The following SLC44A5 variants were observed in gnomAD, a reference collection of about 807,000 sequenced individuals.
SLC44A5 encodes choline transporter-like protein 5.
Under a neutral mutation model 101.8 loss-of-function variants are expected in SLC44A5, and 57 were observed. That is an observed-to-expected ratio of 0.56 (90% CI 0.45 to 0.70). The LOEUF (loss-of-function observed/expected upper bound fraction) is 0.70. SLC44A5 is among the 30% of genes least tolerant of loss of function. The probability of loss-of-function intolerance (pLI) is 0.00; values close to 1 mark genes in which losing one functional copy is unlikely to be tolerated. For synonymous variants in SLC44A5, 281 were observed against 290.9 expected, an observed-to-expected ratio of 0.97 and a Z score of 0.35; for missense variants, 737 against 853.1, an observed-to-expected ratio of 0.86 and a Z score of 1.70.
the SLC44A5 span, among the ~76,000 whole-genome samples, chr1:75,628,797 T>G: frequency 1.3e-5 from 2 of 152,150 alleles, no homozygotes. Context: ...ACAAGCACTT[T>G]GTAGGGAAGG....
In SLC44A5 at chr1:75,389,755, T is replaced by C. The variant is rs999972074; in HGVS notation, c.52+6828A>G. On this transcript the variant is annotated intron_variant, in intron 3 of 23. Coordinates refer to ENST00000370859, the MANE Select transcript of SLC44A5 (RefSeq NM_001130058.2). ...AATCTAATATCACACTTAGAGGAAC[T>C]AGAAAAACAAGAACAAACTAATCCC... Among the ~76,000 whole-genome samples the C allele has an allele frequency of 2.0e-5, 3 of 151,982 alleles. No individual in the cohort carries two copies. In the East Asian group the frequency reaches 5.8e-4, roughly 29 times the overall value.
At chr1:75,260,730 A>G (rs1650424741) in intron 6 of SLC44A5, among the ~76,000 whole-genome samples, 1 of 152,176 alleles carries the variant, frequency 6.6e-6, no homozygotes, top group South Asian at 2.1e-4. Flanking sequence ...CATTCTTCTC[A>G]GCACCACATT....
At position 75,360,418 on chromosome 1, in the gene SLC44A5, C is replaced by T. The variant is rs183949400; in HGVS notation, c.53-20788G>A. ...CTCCTGGCTTCAAGTGATCCTCCCA[C>T]CTTGGCCTCTCAAAGTGCTGGGATT... is the stretch of plus-strand genomic sequence containing the variant. On this transcript the variant is annotated intron_variant, in intron 3 of 23. Transcript: ENST00000370859. Among the ~76,000 whole-genome samples, 21 of 152,264 alleles carry T rather than the reference C, an allele frequency of 1.4e-4. No homozygotes were observed. The East Asian group carries it at 3.9e-3, about 28-fold the overall frequency.
chr1:75,557,356 A>G (rs1672274873), intron 1 of SLC44A5, among the ~76,000 whole-genome samples: 1 of 152,138 alleles, frequency 6.6e-6, no homozygotes, highest in African/African-American at 2.4e-5. Context: ...TTATTTTCTT[A>G]TCTAATGCAG....
At chr1:75,215,587 A>T (rs1373729035) in intron 19 of SLC44A5, among the ~76,000 whole-genome samples, 167 bp downstream of exon 19, 1 of 152,128 alleles carries the variant, frequency 6.6e-6, no homozygotes, top group East Asian at 1.9e-4. Flanking sequence ...ATACTATCTC[A>T]ACTAGGGAAG....
At chr1:75,393,221 G>A (rs545735963) in intron 3 of SLC44A5, among the ~76,000 whole-genome samples, 6 of 152,148 alleles carry the variant, frequency 3.9e-5, no homozygotes, top group South Asian at 4.2e-4. Flanking sequence ...TCATTGTCTC[G>A]CATGTCATGC....
chr1:75,686,245 G>T, the SLC44A5 span, among the ~76,000 whole-genome samples: 2 of 152,282 alleles, frequency 1.3e-5, no homozygotes, highest in Admixed American at 1.3e-4. Flanking sequence ...TTGCACACGT[G>T]TGTGTATATG....
In SLC44A5 at chr1:75,227,850, C is replaced by T. The variant is rs1242509261; in HGVS notation, c.861G>A (p.Trp287Ter). The T allele has an allele frequency of 1.9e-6, 3 of 1,581,178 alleles. No individual in the cohort carries two copies. The highest frequency in any genetic ancestry group is 2.3e-5 in the East Asian group (1 of 43,800). The change falls in exon 13 of 24, where the codon TGG becomes TGA. Residue 287 changes from tryptophan (W) to a stop codon, truncating the protein, a stop_gained. Transcript: ENST00000370859. LOFTEE classifies it high-confidence loss of function. Reference sequence around the variant, plus strand: ...GATTGGTGTACTGCTGGTAACAGTGCCATATTCCTTGAAAAAGAAAGAAAA... The same window carrying T: ...GATTGGTGTACTGCTGGTAACAGTGTCATATTCCTTGAAAAAGAAAGAAAA... ...GVIGIIGYGI[W>*]HCYQQYTNLQ...
the SLC44A5 span, among the ~76,000 whole-genome samples, chr1:75,645,198 C>G: frequency 6.6e-6 from 1 of 152,260 alleles, no homozygotes; most frequent in South Asian, 2.1e-4. Context: ...TGAGGAATCG[C>G]CACACTGTCT....
intron 1 of SLC44A5, among the ~76,000 whole-genome samples, chr1:75,578,122 C>A (rs1673476520): frequency 6.6e-6 from 1 of 151,932 alleles, no homozygotes; most frequent in South Asian, 2.1e-4. Flanking sequence ...TTTTATACTC[C>A]TTAAACAATC....
intron 3 of SLC44A5, among the ~76,000 whole-genome samples, chr1:75,395,813 T>C (rs1343218997): frequency 2.0e-5 from 3 of 152,178 alleles, no homozygotes; most frequent in African/African-American, 7.2e-5. Flanking sequence ...TTGCATATTT[T>C]AAAATTGCTA....
chr1:75,271,151 A>G (rs781387181), intron 6 of SLC44A5, among the ~76,000 whole-genome samples: 5 of 152,206 alleles, frequency 3.3e-5, no homozygotes, highest in South Asian at 4.1e-4. Context: ...CTAGTCCCCT[A>G]TAAATTTACC....
intron 2 of SLC44A5, among the ~76,000 whole-genome samples, chr1:75,403,733 G>A (rs1662662217): frequency 6.6e-6 from 1 of 152,116 alleles, no homozygotes; most frequent in African/African-American, 2.4e-5. Context: ...AATCCACAAA[G>A]ATGAGGAAAA....
chr1:75,641,230 TTTGTC>T, the SLC44A5 span: 1 of 367,848 alleles, frequency 2.7e-6, no homozygotes, highest in Non-Finnish European at 4.9e-6. Context: ...TTGAATAAAA[TTTGTC>T]TCCATCATAA....
intron 9 of SLC44A5, among the ~76,000 whole-genome samples, chr1:75,241,097 T>A (rs188782043): frequency 1.6e-4 from 24 of 152,008 alleles, no homozygotes; most frequent in African/African-American, 5.8e-4. Flanking sequence ...TCTTGGATAG[T>A]AGAGTATTTC....
intron 1 of SLC44A5, among the ~76,000 whole-genome samples, chr1:75,589,347 T>C (rs964806136): frequency 6.6e-6 from 1 of 152,242 alleles, no homozygotes; most frequent in Non-Finnish European, 1.5e-5. Context: ...GGAGTTAAGC[T>C]AAACCATTTT....
chr1:75,422,629 T>C (rs1264665943), intron 2 of SLC44A5, among the ~76,000 whole-genome samples: 1 of 152,190 alleles, frequency 6.6e-6, no homozygotes, highest in East Asian at 1.9e-4. Flanking sequence ...AATGGGAATG[T>C]CAAAAATAGG....
intron 5 of SLC44A5, among the ~76,000 whole-genome samples, chr1:75,278,843 A>G (rs1476428578): frequency 6.6e-6 from 1 of 152,168 alleles, no homozygotes; most frequent in Admixed American, 6.6e-5. Context: ...ACAAAAAAGT[A>G]GAATCTTCTC....
intron 2 of SLC44A5, among the ~76,000 whole-genome samples, chr1:75,494,095 C>T (rs898655125): frequency 6.6e-5 from 10 of 152,252 alleles, no homozygotes; most frequent in Non-Finnish European, 1.3e-4. Flanking sequence ...ATTAGGTCAT[C>T]GGGGCAATGC....
Sources: allele counts gnomAD v4.1 joint callset (sites outside exome capture counted in the v4.1 genomes callset), GRCh38; gene constraint gnomAD v4.1.1; transcripts MANE v1.5; gene names NCBI Gene and HGNC (gene_info 2026-07-23, HGNC 2026-07-21).